RORA: variants seen among roughly 807,000 people sequenced by gnomAD.
The protein encoded by RORA is nuclear receptor ROR-alpha.
A neutral mutation model predicts 69.5 loss-of-function variants in RORA; 7 were observed. That is an observed-to-expected ratio of 0.10 (90% CI 0.06 to 0.19). The LOEUF (loss-of-function observed/expected upper bound fraction) is 0.19. Ranked by LOEUF, RORA falls within the 10% of genes least tolerant of loss-of-function variation. The pLI is 1.00. For synonymous variants in RORA, 261 were observed against 240.8 expected, an observed-to-expected ratio of 1.08 and a Z score of -0.78; for missense variants, 457 against 663.0, an observed-to-expected ratio of 0.69 and a Z score of 3.41.
chr15:61,066,418 C>CTTTTTTTTTTTTTTTTT (rs1168663714), intron 1 of RORA, among the ~76,000 whole-genome samples: 33 of 80,964 alleles, frequency 4.1e-4, no homozygotes, highest in African/African-American at 5.4e-4. Flanking sequence ...GGGCATATTC[C>CTTTTTTTTTTTTTTTTT]TTTTTTTTTT....
At chr15:61,098,060 T>G in intron 1 of RORA, among the ~76,000 whole-genome samples, 1 of 149,530 alleles carries the variant, frequency 6.7e-6, no homozygotes, top group African/African-American at 2.5e-5. Context: ...CTTCCTTCCT[T>G]AATCCTTCCT....
intron 1 of RORA, among the ~76,000 whole-genome samples, chr15:60,815,869 A>T (rs1042301952): frequency 7.2e-6 from 1 of 139,128 alleles, no homozygotes; most frequent in Non-Finnish European, 1.5e-5. Context: ...AAACTATATA[A>T]ACTATATTTA....
At chr15:60,802,183 G>T (rs2072591827) in intron 1 of RORA, among the ~76,000 whole-genome samples, 1 of 152,148 alleles carries the variant, frequency 6.6e-6, no homozygotes, top group African/African-American at 2.4e-5. Flanking sequence ...CTGCACCTGG[G>T]CCCTGACAAG....
At position 60,702,880 on chromosome 15, in the gene RORA, C is replaced by G. The variant is rs115173729; in HGVS notation, c.167-24194G>C. 4.7e-3 allele frequency among the ~76,000 whole-genome samples: 717 copies of G among 152,276 alleles called. 8 individuals are homozygous for G. Among genetic ancestry groups the G allele is most frequent in the African/African-American group, 0.017 (694 of 41,560 alleles). Reference sequence around the variant, plus strand: ...CTTGTGTGGAATGGGCCTTTTCCCTCTTGCCATTTTCATTCAAAATATCTG... The same window carrying G: ...CTTGTGTGGAATGGGCCTTTTCCCTGTTGCCATTTTCATTCAAAATATCTG... On this transcript the variant is annotated intron_variant, in intron 1 of 10. Coordinates refer to ENST00000335670, the MANE Select transcript of RORA (RefSeq NM_134261.3).
In RORA at chr15:61,175,541, T is replaced by TA. The variant is rs75174095; in HGVS notation, c.166+53511dup. On this transcript the variant is annotated intron_variant, in intron 1 of 10. Transcript: ENST00000335670. Reference sequence around the variant, plus strand: ...GAGCAACATAGTGAGATCCTGTTTCTAAAAAAAAAAAAAAAAAACTTGCCA... The same window carrying TA: ...GAGCAACATAGTGAGATCCTGTTTCTAAAAAAAAAAAAAAAAAAACTTGCCA... Among the ~76,000 whole-genome samples the TA allele has an allele frequency of 6.4e-3, 765 of 120,184 alleles. 5 individuals are homozygous for TA. The highest frequency in any genetic ancestry group is 0.018 in the African/African-American group (581 of 31,858). 78.8% of individuals were successfully genotyped at this position (120,184 alleles called of 152,430 possible).
Position 60,576,800 on chromosome 15 carries a change from G to A in RORA, c.197-44949C>T, listed in dbSNP as rs189892633. Among the ~76,000 whole-genome samples, 7 of 152,324 alleles carry A rather than the reference G, an allele frequency of 4.6e-5. No individual in the cohort carries two copies. The East Asian group carries it at 1.2e-3, about 25-fold the overall frequency. On this transcript the variant is annotated intron_variant, in intron 2 of 10. Coordinates refer to ENST00000335670, the MANE Select transcript of RORA (RefSeq NM_134261.3). ...CAAGGGCTTTCCATCTCTACACACA[G>A]TGATAAAATTCTCCAAGGTGCCTAC... is the stretch of plus-strand genomic sequence containing the variant.
At chr15:60,698,140 C>T (rs2070931419) in intron 1 of RORA, among the ~76,000 whole-genome samples, 1 of 152,280 alleles carries the variant, frequency 6.6e-6, no homozygotes, top group East Asian at 1.9e-4. Context: ...TATATATACT[C>T]CATGCTTCAG....
At position 61,218,732 on chromosome 15, in the gene RORA, G is replaced by A. The variant is rs376497702; in HGVS notation, c.166+10321C>T. ...CACAATTTCCTTCTACAAAAAAGATGGCATTCCATGCACACTGCTATGAAA... is the reference window on the plus strand; with the variant it reads ...CACAATTTCCTTCTACAAAAAAGATAGCATTCCATGCACACTGCTATGAAA... On this transcript the variant is annotated intron_variant, in intron 1 of 10. Coordinates refer to ENST00000335670, the MANE Select transcript of RORA (RefSeq NM_134261.3). 9.7e-5 allele frequency among the ~76,000 whole-genome samples: 14 copies of A among 144,418 alleles called. 3 individuals are homozygous for A. Among genetic ancestry groups the A allele is most frequent in the African/African-American group, 3.3e-4 (13 of 39,414 alleles). 94.7% of individuals were successfully genotyped at this position (144,418 alleles called of 152,430 possible). A position where few individuals can be genotyped will look rare whatever the true frequency, so the allele number is the denominator to read the frequency against.
chr15:60,714,499 G>T (rs1282758464), intron 1 of RORA, among the ~76,000 whole-genome samples: 1 of 151,438 alleles, frequency 6.6e-6, no homozygotes, highest in Non-Finnish European at 1.5e-5. Flanking sequence ...CTAGTAGCTG[G>T]GATTACAGGC....
chr15:61,057,126 C>T (rs1055440129), intron 1 of RORA, among the ~76,000 whole-genome samples: 10 of 152,204 alleles, frequency 6.6e-5, no homozygotes, highest in African/African-American at 2.4e-4. Context: ...GTATCTCAGG[C>T]TGCCAGGTCT....
At chr15:60,802,210 A>G (rs2072592348) in intron 1 of RORA, among the ~76,000 whole-genome samples, 1 of 152,236 alleles carries the variant, frequency 6.6e-6, no homozygotes, top group African/African-American at 2.4e-5. Context: ...CTACATGATC[A>G]TGGGTCAACC....
chr15:60,619,302 C>T (rs1229568891), intron 2 of RORA, among the ~76,000 whole-genome samples: 1 of 152,174 alleles, frequency 6.6e-6, no homozygotes, highest in Non-Finnish European at 1.5e-5. Context: ...GTTGTGACTC[C>T]TCCTATTATT....
At chr15:60,708,524 G>A (rs777661804) in intron 1 of RORA, among the ~76,000 whole-genome samples, 2 of 152,082 alleles carry the variant, frequency 1.3e-5, no homozygotes, top group Non-Finnish European at 2.9e-5. Flanking sequence ...ATGCCTGTAT[G>A]TGTGTCCCAG....
At chr15:60,655,368 C>A (rs890438871) in intron 2 of RORA, among the ~76,000 whole-genome samples, 3 of 152,142 alleles carry the variant, frequency 2.0e-5, no homozygotes, top group African/African-American at 7.2e-5. Context: ...TCAGGCCTAG[C>A]AAGCTCTTTC....
At chr15:60,860,475 A>G (rs1305716254) in intron 1 of RORA, among the ~76,000 whole-genome samples, 1 of 152,218 alleles carries the variant, frequency 6.6e-6, no homozygotes, top group Non-Finnish European at 1.5e-5. Context: ...AACGTTTAGC[A>G]TAAGCAAGCA....
chr15:60,572,978 C>T (rs560792452), intron 2 of RORA, among the ~76,000 whole-genome samples: 367 of 152,208 alleles, frequency 2.4e-3, no homozygotes, highest in Middle Eastern at 6.8e-3. Context: ...CGAGCTCAGC[C>T]GAGAGTGTAT....
At chr15:61,110,437 T>C (rs1180765403) in intron 1 of RORA, among the ~76,000 whole-genome samples, 1 of 151,992 alleles carries the variant, frequency 6.6e-6, no homozygotes, top group Non-Finnish European at 1.5e-5. Flanking sequence ...CAGCATATAA[T>C]ACATGGTAAT....
chr15:61,212,993 G>A (rs1213875491), intron 1 of RORA, among the ~76,000 whole-genome samples: 2 of 151,794 alleles, frequency 1.3e-5, no homozygotes, highest in Admixed American at 6.6e-5. Context: ...TTGTTTTCTT[G>A]CCTAATGCCA....
intron 2 of RORA, among the ~76,000 whole-genome samples, chr15:60,571,568 C>T (rs1170492868): frequency 2.0e-5 from 3 of 152,094 alleles, no homozygotes; most frequent in Non-Finnish European, 2.9e-5. Flanking sequence ...CTCTCTGTGG[C>T]AGTCTTAGAT....
Sources: gnomAD v4.1 joint callset for allele counts (sites outside exome capture counted in the v4.1 genomes callset) on GRCh38, gnomAD v4.1.1 for gene constraint, MANE v1.5 for transcripts, NCBI Gene and HGNC (gene_info 2026-07-23, HGNC 2026-07-21) for gene names.